PDZD2: variants seen among roughly 807,000 people sequenced by gnomAD.
The protein encoded by PDZD2 is PDZ domain-containing protein 2.
Under a neutral mutation model 220.7 loss-of-function variants are expected in PDZD2, and 90 were observed. The observed-to-expected ratio is 0.41, with a 90% confidence interval of 0.34 to 0.49. The LOEUF is 0.49. PDZD2 is among the 20% of genes least tolerant of loss of function. PDZD2 has a pLI of 0.28. For missense variants in PDZD2, 3,174 were observed against 3,608.5 expected (o/e 0.88, Z 3.08); for synonymous variants, 1,375 against 1,450.5 (o/e 0.95, Z 1.18).
At chr5:31,653,649 T>G (rs980248277) in intron 1 of PDZD2, among the ~76,000 whole-genome samples, 2 of 152,234 alleles carry the variant, frequency 1.3e-5, no homozygotes, top group African/African-American at 4.8e-5. Flanking sequence ...CTTTACACAC[T>G]GATCATTTTA....
intron 2 of PDZD2, among the ~76,000 whole-genome samples, chr5:31,809,712 C>A (rs116210238): frequency 6.6e-6 from 1 of 152,224 alleles, no homozygotes; most frequent in African/African-American, 2.4e-5. Context: ...CACCCTCCGT[C>A]GCAGCCCACA....
chr5:31,843,719 C>T (rs1453844656), intron 2 of PDZD2: 1 of 152,266 alleles, frequency 6.6e-6, no homozygotes. Flanking sequence ...AGGGTCACAG[C>T]TCCCCTTCAT....
intron 2 of PDZD2, among the ~76,000 whole-genome samples, chr5:31,844,639 G>A (rs1314010900): frequency 7.2e-5 from 11 of 152,070 alleles, no homozygotes; most frequent in African/African-American, 2.4e-4. Flanking sequence ...TAACTGGGTC[G>A]CCTATATTTT....
At position 32,082,402 on chromosome 5, in the gene PDZD2, T is replaced by A. The variant is rs114491477; in HGVS notation, c.3683-4729T>A. Among the ~76,000 whole-genome samples, 241 of 151,738 alleles carry A rather than the reference T, an allele frequency of 1.6e-3. 2 individuals are homozygous for A. Among genetic ancestry groups the A allele is most frequent in the African/African-American group, 5.6e-3 (230 of 41,330 alleles). On this transcript the variant is annotated intron_variant, in intron 19 of 24. Transcript: ENST00000438447. ...GGAATACCTTATCATTAAAAAAAAA[T>A]CCAAAATGACCCGTACACTGCACGG...
At chr5:31,862,810 C>T (rs1485491978) in intron 2 of PDZD2, among the ~76,000 whole-genome samples, 2 of 152,140 alleles carry the variant, frequency 1.3e-5, no homozygotes, top group African/African-American at 2.4e-5. Flanking sequence ...TCATTGCAAC[C>T]TCTGCCTCCC....
chr5:31,664,599 C>A, intron 1 of PDZD2, among the ~76,000 whole-genome samples: 1 of 152,196 alleles, frequency 6.6e-6, no homozygotes, highest in East Asian at 1.9e-4. Context: ...TCTTGTGATT[C>A]ATACGACGGC....
intron 6 of PDZD2, chr5:32,010,712 G>C (rs1466060928): frequency 3.6e-6 from 2 of 550,424 alleles, no homozygotes; most frequent in Admixed American, 4.4e-5. Context: ...AGCAACCCAG[G>C]GGGCTGGGCA....
At chr5:31,802,794 C>T (rs1754470953) in intron 2 of PDZD2, among the ~76,000 whole-genome samples, 1 of 151,836 alleles carries the variant, frequency 6.6e-6, no homozygotes, top group South Asian at 2.1e-4. Context: ...GTGGCGGGTG[C>T]CTGTAGTCCC....
intron 6 of PDZD2, among the ~76,000 whole-genome samples, chr5:32,014,011 C>A (rs1037056323): frequency 6.6e-6 from 1 of 152,176 alleles, no homozygotes; most frequent in Admixed American, 6.5e-5. Context: ...CCAGGGTCGG[C>A]CCTGCTGTGC....
At chr5:31,742,825 G>T (rs1365616336) in intron 1 of PDZD2, among the ~76,000 whole-genome samples, 2 of 152,178 alleles carry the variant, frequency 1.3e-5, no homozygotes, top group African/African-American at 4.8e-5. Context: ...AAAGGGCTTT[G>T]ATCAGTTACC....
intron 1 of PDZD2, among the ~76,000 whole-genome samples, chr5:31,713,064 T>C (rs1748221228): frequency 6.6e-6 from 1 of 152,226 alleles, no homozygotes; most frequent in Admixed American, 6.5e-5. Flanking sequence ...CAAGCTTCAG[T>C]GCCATAATGT....
chr5:31,706,135 T>G (rs1185199794), intron 1 of PDZD2, among the ~76,000 whole-genome samples: 2 of 152,178 alleles, frequency 1.3e-5, no homozygotes, highest in African/African-American at 4.8e-5. Context: ...CCCACACAAC[T>G]GGATTAACGG....
At chr5:31,721,990 C>G (rs1032209412) in intron 1 of PDZD2, among the ~76,000 whole-genome samples, 1 of 152,002 alleles carries the variant, frequency 6.6e-6, no homozygotes, top group African/African-American at 2.4e-5. Flanking sequence ...TCTCTCACCC[C>G]ACAAGCTATC....
chr5:31,721,588 T>C lies in PDZD2; in HGVS notation c.-360-77301T>C, dbSNP rs544111469. Among the ~76,000 whole-genome samples the C allele has an allele frequency of 1.9e-3, 289 of 150,188 alleles. 1 individual carries two copies. The highest frequency in any genetic ancestry group is 4.7e-3 in the Admixed American group (70 of 14,932). ...GGAAAGGAAAGGATAAAGTGAAACG[T>C]ACAAGTCGCTCCATAACTAGCATGT... On this transcript the variant is annotated intron_variant, in intron 1 of 24. Coordinates refer to ENST00000438447, the MANE Select transcript of PDZD2 (RefSeq NM_178140.4).
intron 2 of PDZD2, among the ~76,000 whole-genome samples, chr5:31,914,000 C>T (rs997022875): frequency 5.3e-5 from 8 of 152,180 alleles, no homozygotes; most frequent in Non-Finnish European, 1.0e-4. Flanking sequence ...CACTCCCTGC[C>T]TCTGGGTGAC....
chr5:31,798,793 A>C (rs1754204770), intron 1 of PDZD2, 96 bp from the exon 2 acceptor site: 1 of 167,648 alleles, frequency 6.0e-6, no homozygotes, highest in Non-Finnish European at 1.3e-5. Context: ...TGGAAAGTAC[A>C]CATGGTCCTT....
intron 2 of PDZD2, among the ~76,000 whole-genome samples, chr5:31,836,458 C>T (rs1756947033): frequency 6.6e-6 from 1 of 151,982 alleles, no homozygotes; most frequent in Non-Finnish European, 1.5e-5. Flanking sequence ...AAACTCCTGA[C>T]CTCAAGTGAG....
At chr5:31,845,828 A>C (rs1218445171) in intron 2 of PDZD2, among the ~76,000 whole-genome samples, 1 of 152,232 alleles carries the variant, frequency 6.6e-6, no homozygotes, top group African/African-American at 2.4e-5. Flanking sequence ...AAGGCTTACA[A>C]CAGGTCTTGG....
chr5:32,075,724 C>G (rs1227278961), intron 18 of PDZD2, among the ~76,000 whole-genome samples: 1 of 152,150 alleles, frequency 6.6e-6, no homozygotes, highest in African/African-American at 2.4e-5. Context: ...TTCTCTCTCT[C>G]TCTCGCTGAA....
Sources: allele counts gnomAD v4.1 joint callset (sites outside exome capture counted in the v4.1 genomes callset), GRCh38; gene constraint gnomAD v4.1.1; transcripts MANE v1.5; gene names NCBI Gene and HGNC (gene_info 2026-07-23, HGNC 2026-07-21).